CAMK2D: variants seen among roughly 807,000 people sequenced by gnomAD.
CAMK2D encodes calcium/calmodulin dependent protein kinase II delta.
CAMK2D carries 37 observed loss-of-function variants against 84.0 expected under a neutral mutation model. The observed-to-expected ratio is 0.44, with a 90% CI of 0.34 to 0.58. The LOEUF (loss-of-function observed/expected upper bound fraction) is 0.58. Ranked by LOEUF, CAMK2D falls within the 20% of genes least tolerant of loss-of-function variation. The pLI is 0.02. For synonymous variants in CAMK2D, 202 were observed against 212.5 expected (o/e 0.95, Z 0.43); for missense variants, 448 against 652.5 (o/e 0.69, Z 3.41).
chr4:113,752,798 G>C (rs2099620325), intron 2 of CAMK2D, among the ~76,000 whole-genome samples: 1 of 152,122 alleles, frequency 6.6e-6, no homozygotes, highest in Non-Finnish European at 1.5e-5. Context: ...ACAGCATGGA[G>C]GGACTGTCTG....
intron 3 of CAMK2D, among the ~76,000 whole-genome samples, chr4:113,653,967 G>C (rs1476925740): frequency 6.6e-6 from 1 of 151,978 alleles, no homozygotes; most frequent in Admixed American, 6.6e-5. Flanking sequence ...ATAAAAACTT[G>C]AGGAATGGTA....
Position 113,761,081 on chromosome 4 carries a change from C to T in CAMK2D, c.-13G>A. On this transcript the variant is annotated 5_prime_UTR_variant, in exon 1 of 21. Transcript: ENST00000511664. ...TGGTCGAAGCCATCCTCGGTCCGGG[C>T]TGTGCCCTGGCTGGGAGCGCGACGG... The T allele has an allele frequency of 1.9e-6, 3 of 1,614,044 alleles. No homozygotes were observed. Among genetic ancestry groups the T allele is most frequent in the Non-Finnish European group, 2.5e-6 (3 of 1,180,022 alleles).
At chr4:113,713,403 A>G (rs1379577045) in intron 2 of CAMK2D, among the ~76,000 whole-genome samples, 2 of 147,344 alleles carry the variant, frequency 1.4e-5, no homozygotes, top group Admixed American at 6.8e-5. Flanking sequence ...CATGACATTA[A>G]TATTAATATT....
Position 113,552,116 on chromosome 4 carries a change from A to C in CAMK2D, c.276-20T>G. The C allele has an allele frequency of 6.9e-7, 1 of 1,448,550 alleles. No individual in the cohort carries two copies. The highest frequency in any genetic ancestry group is 9.6e-7 in the Non-Finnish European group (1 of 1,038,490). 89.7% of individuals were successfully genotyped at this position (1,448,550 alleles called of 1,614,324 possible). On this transcript the variant is annotated intron_variant, in intron 4 of 20. Coordinates refer to ENST00000511664, the MANE Select transcript of CAMK2D (RefSeq NM_001321571.2). ...GTAACTCTGGGAAGATAAAAAACAT[A>C]ATCACTTTTAAAAAGAAGCAAAAAA...
At chr4:113,684,033 G>T (rs1299731593) in intron 2 of CAMK2D, among the ~76,000 whole-genome samples, 1 of 152,112 alleles carries the variant, frequency 6.6e-6, no homozygotes, top group African/African-American at 2.4e-5. Flanking sequence ...CTACCTCATG[G>T]AATTGTTGAG....
intron 2 of CAMK2D, among the ~76,000 whole-genome samples, chr4:113,720,974 G>A (rs1417582751): frequency 1.3e-5 from 2 of 152,046 alleles, no homozygotes; most frequent in African/African-American, 4.8e-5. Flanking sequence ...ATGTTAAGAT[G>A]TAATTGGTTT....
chr4:113,696,250 G>T (rs2154344857), intron 2 of CAMK2D, among the ~76,000 whole-genome samples: 1 of 147,096 alleles, frequency 6.8e-6, no homozygotes, highest in South Asian at 2.2e-4. Flanking sequence ...ATACTCCTTA[G>T]CCCCCTTCCC....
chr4:113,496,058 G>T (rs916698267), intron 16 of CAMK2D, among the ~76,000 whole-genome samples: 2 of 152,182 alleles, frequency 1.3e-5, no homozygotes, highest in African/African-American at 4.8e-5. Context: ...GCGGCATACA[G>T]CGACAGGTCC....
At chr4:113,747,178 T>G (rs2099606245) in intron 2 of CAMK2D, among the ~76,000 whole-genome samples, 1 of 151,964 alleles carries the variant, frequency 6.6e-6, no homozygotes, top group East Asian at 1.9e-4. Context: ...ATCGAAGTTG[T>G]CTTCTAAGTG....
intron 2 of CAMK2D, among the ~76,000 whole-genome samples, chr4:113,684,583 G>A (rs74727436): frequency 0.015 from 2,274 of 152,182 alleles, 37 homozygotes; most frequent in East Asian, 0.077. Flanking sequence ...GCAGCTGCTC[G>A]GTAACAGCGT....
intron 2 of CAMK2D, among the ~76,000 whole-genome samples, chr4:113,739,785 T>C (rs2099588723): frequency 1.3e-5 from 2 of 152,136 alleles, no homozygotes; most frequent in Admixed American, 6.6e-5. Flanking sequence ...TCAACTTCCA[T>C]GTCCTGTTTT....
chr4:113,701,282 AT>A (rs1370574207), intron 2 of CAMK2D, among the ~76,000 whole-genome samples: 2 of 152,058 alleles, frequency 1.3e-5, no homozygotes, highest in Admixed American at 6.5e-5. Context: ...AGAATTTTTT[AT>A]TTTTTCCCTC....
chr4:113,634,063 A>C (rs2099100915), intron 3 of CAMK2D, among the ~76,000 whole-genome samples: 1 of 152,228 alleles, frequency 6.6e-6, no homozygotes. Context: ...TGTGCTTTTT[A>C]GCACAAGTAG....
intron 3 of CAMK2D, among the ~76,000 whole-genome samples, chr4:113,612,723 G>A (rs72892184): frequency 6.9e-4 from 105 of 152,260 alleles, no homozygotes; most frequent in African/African-American, 2.3e-3. Flanking sequence ...GTAAAATTAC[G>A]TGTATGAATA....
chr4:113,754,701 T>C, intron 2 of CAMK2D: 1 of 979,132 alleles, frequency 1.0e-6, no homozygotes, highest in South Asian at 4.7e-5. Flanking sequence ...TTATTATTTG[T>C]GTCTCCTAAC....
At chr4:113,751,053 G>A (rs1242449412) in intron 2 of CAMK2D, among the ~76,000 whole-genome samples, 1 of 152,054 alleles carries the variant, frequency 6.6e-6, no homozygotes, top group Non-Finnish European at 1.5e-5. Context: ...AAAAAGAAAA[G>A]AGAGTTCAAA....
intron 8 of CAMK2D, among the ~76,000 whole-genome samples, chr4:113,526,941 T>C (rs1038654509): frequency 2.6e-5 from 4 of 151,560 alleles, no homozygotes; most frequent in Admixed American, 6.6e-5. Flanking sequence ...TTTGCAGATA[T>C]TGCATTTTTT....
chr4:113,645,092 C>CT (rs1207310589), intron 3 of CAMK2D, among the ~76,000 whole-genome samples: 9 of 152,260 alleles, frequency 5.9e-5, no homozygotes, highest in African/African-American at 1.9e-4. Context: ...TCTCGGCTCA[C>CT]TACAAGCTCC....
chr4:113,734,644 A>G (rs1430588664), intron 2 of CAMK2D, among the ~76,000 whole-genome samples: 4 of 152,200 alleles, frequency 2.6e-5, no homozygotes, highest in African/African-American at 9.6e-5. Context: ...CCTTATTCCA[A>G]GAACCAGCTG....
Sources: gnomAD v4.1 joint callset for allele counts (sites outside exome capture counted in the v4.1 genomes callset) on GRCh38, gnomAD v4.1.1 for gene constraint, MANE v1.5 for transcripts, NCBI Gene and HGNC (gene_info 2026-07-23, HGNC 2026-07-21) for gene names.